Variants in ERBB4 observed in about 807,000 individuals in gnomAD.
ERBB4 encodes receptor tyrosine-protein kinase erbB-4.
A neutral mutation model predicts 158.0 loss-of-function variants in ERBB4; 42 were observed. The ratio of observed to expected loss-of-function variants is 0.27; its 90% CI spans 0.21 to 0.34. ERBB4 has a LOEUF of 0.34. Among genes scored for constraint, ERBB4 ranks in the 10% least tolerant of loss-of-function variants. The probability of loss-of-function intolerance (pLI) is 1.00; values close to 1 mark genes in which losing one functional copy is unlikely to be tolerated. For synonymous variants in ERBB4, 583 were observed against 558.7 expected (o/e 1.04, Z -0.61); for missense variants, 1,333 against 1,624.1 (o/e 0.82, Z 3.08).
intron 2 of ERBB4, among the ~76,000 whole-genome samples, chr2:212,074,848 G>A (rs892952707): frequency 3.3e-5 from 5 of 151,892 alleles, no homozygotes; most frequent in Non-Finnish European, 7.4e-5. Context: ...TTGTCCTAGC[G>A]CAACCATCTG....
chr2:211,995,917 T>C (rs1219313203), intron 2 of ERBB4, among the ~76,000 whole-genome samples: 8 of 152,192 alleles, frequency 5.3e-5, no homozygotes, highest in Non-Finnish European at 1.5e-5. Context: ...TAATTAGCCA[T>C]TTTGAAGGAA....
chr2:211,446,565 T>C (rs895955059), intron 20 of ERBB4, among the ~76,000 whole-genome samples: 1 of 152,184 alleles, frequency 6.6e-6, no homozygotes, highest in African/African-American at 2.4e-5. Flanking sequence ...AGTTAGTTTC[T>C]TCTTCAAAGA....
chr2:212,348,819 T>G (rs941277010), intron 1 of ERBB4, among the ~76,000 whole-genome samples: 4 of 152,094 alleles, frequency 2.6e-5, no homozygotes, highest in Non-Finnish European at 5.9e-5. Context: ...CAAAACCTGC[T>G]CATAATAAAA....
intron 2 of ERBB4, among the ~76,000 whole-genome samples, chr2:212,124,353 A>C (rs2125569169): frequency 6.6e-6 from 1 of 151,798 alleles, no homozygotes; most frequent in East Asian, 1.9e-4. Flanking sequence ...TCCTTATGTG[A>C]TATAAAATAA....
At chr2:212,072,301 T>C (rs1165692280) in intron 2 of ERBB4, among the ~76,000 whole-genome samples, 7 of 151,964 alleles carry the variant, frequency 4.6e-5, no homozygotes, top group Admixed American at 2.6e-4. Flanking sequence ...AGCTAATTCA[T>C]TGAAACAGTC....
In ERBB4 at chr2:211,812,545, T is replaced by A. The variant is rs113936523; in HGVS notation, c.422-24386A>T. 3.9e-4 allele frequency among the ~76,000 whole-genome samples: 60 copies of A among 152,294 alleles called. 1 individual carries two copies. The highest frequency in any genetic ancestry group is 1.4e-3 in the African/African-American group (59 of 41,574). The stretch of plus-strand genomic sequence containing the variant: ...CTGTCCATTCTCCAAGCTCAAACAC[T>A]TTGCTGGAAGAACCACTGCTCTCCT... On this transcript the variant is annotated intron_variant, in intron 3 of 27. Transcript: ENST00000342788.
At chr2:212,434,721 A>C (rs577924470) in intron 1 of ERBB4, among the ~76,000 whole-genome samples, 3 of 151,942 alleles carry the variant, frequency 2.0e-5, no homozygotes, top group African/African-American at 7.2e-5. Flanking sequence ...TCCAGCAGAC[A>C]CTTCTTTTGT....
intron 2 of ERBB4, among the ~76,000 whole-genome samples, chr2:212,093,685 G>A (rs1294394825): frequency 6.6e-6 from 1 of 152,176 alleles, no homozygotes; most frequent in African/African-American, 2.4e-5. Flanking sequence ...AAAATTGATA[G>A]TTCTCACCTT....
chr2:211,828,458 T>C (rs1159584619), intron 3 of ERBB4, among the ~76,000 whole-genome samples: 2 of 152,104 alleles, frequency 1.3e-5, no homozygotes, highest in East Asian at 3.9e-4. Context: ...GTCTGGGCCC[T>C]AGAATTCTTC....
In ERBB4 at chr2:211,839,213, GAGAGAGAA is replaced by G. The variant is rs1181335001; in HGVS notation, c.422-51062_422-51055del. Among the ~76,000 whole-genome samples, 179 of 149,184 alleles carry G rather than the reference GAGAGAGAA, an allele frequency of 1.2e-3. 1 individual carries two copies. Among genetic ancestry groups the G allele is most frequent in the African/African-American group, 4.2e-3 (170 of 40,520 alleles). ...GAGGAGGGAAAGAAAGAAAGAGAGA[GAGAGAGAA>G]AGAGAGAAAGAAGAGAAAAGAAAAG... On this transcript the variant is annotated intron_variant, in intron 3 of 27. Coordinates refer to ENST00000342788, the MANE Select transcript of ERBB4 (RefSeq NM_005235.3).
intron 3 of ERBB4, among the ~76,000 whole-genome samples, chr2:211,922,627 G>GAAA (rs2079887322): frequency 6.6e-6 from 1 of 151,984 alleles, no homozygotes; most frequent in Non-Finnish European, 1.5e-5. Flanking sequence ...TTAATACATT[G>GAAA]TTAATTGTAC....
intron 3 of ERBB4, among the ~76,000 whole-genome samples, chr2:211,934,183 T>C (rs1181737356): frequency 4.6e-5 from 7 of 151,944 alleles, no homozygotes; most frequent in Non-Finnish European, 8.8e-5. Context: ...CTGCTGTAAA[T>C]ATGTACAAAA....
chr2:212,260,892 G>T (rs1159934297), intron 1 of ERBB4, among the ~76,000 whole-genome samples: 1 of 152,092 alleles, frequency 6.6e-6, no homozygotes, highest in Non-Finnish European at 1.5e-5. Context: ...AAGGGTGACA[G>T]GAAAATGGGA....
chr2:212,052,146 A>G (rs2077416348), intron 2 of ERBB4, among the ~76,000 whole-genome samples: 1 of 152,232 alleles, frequency 6.6e-6, no homozygotes, highest in South Asian at 2.1e-4. Context: ...TAAAGCAGGC[A>G]GAAGAAGGTA....
intron 1 of ERBB4, among the ~76,000 whole-genome samples, chr2:212,255,532 T>G (rs1003590837): frequency 6.6e-6 from 1 of 152,146 alleles, no homozygotes; most frequent in African/African-American, 2.4e-5. Context: ...AGGTACAGGT[T>G]TAGTGTTCCT....
intron 20 of ERBB4, among the ~76,000 whole-genome samples, chr2:211,500,975 ATTACT>A (rs768054663): frequency 8.6e-5 from 13 of 151,968 alleles, no homozygotes; most frequent in Non-Finnish European, 1.6e-4. Flanking sequence ...ATTTTCTCTC[ATTACT>A]TTAGTAAGAT....
At chr2:211,999,304 C>A (rs775872725) in intron 2 of ERBB4, among the ~76,000 whole-genome samples, 19 of 151,728 alleles carry the variant, frequency 1.3e-4, no homozygotes, top group Non-Finnish European at 2.5e-4. Flanking sequence ...AAATCATTAG[C>A]ATCAATCAAT....
chr2:212,131,236 G>A (rs2080098101), intron 1 of ERBB4, among the ~76,000 whole-genome samples: 1 of 152,032 alleles, frequency 6.6e-6, no homozygotes, highest in Non-Finnish European at 1.5e-5. Context: ...TTACACAGCG[G>A]CCTCCTAACT....
intron 1 of ERBB4, among the ~76,000 whole-genome samples, chr2:212,237,842 C>A (rs1476632629): frequency 6.6e-6 from 1 of 152,170 alleles, no homozygotes; most frequent in Non-Finnish European, 1.5e-5. Context: ...AGGACTGTGC[C>A]CAGTTCGAAC....
Sources: allele counts gnomAD v4.1 joint callset (sites outside exome capture counted in the v4.1 genomes callset), GRCh38; gene constraint gnomAD v4.1.1; transcripts MANE v1.5; gene names NCBI Gene and HGNC (gene_info 2026-07-23, HGNC 2026-07-21).